Variants in DSE observed in about 807,000 individuals in gnomAD.
The protein encoded by DSE is dermatan-sulfate epimerase.
Under a neutral mutation model 84.4 loss-of-function variants are expected in DSE, and 36 were observed. That is an observed-to-expected ratio of 0.43 (90% CI 0.33 to 0.56). The LOEUF is 0.56. Ranked by LOEUF, DSE falls within the 20% of genes least tolerant of loss-of-function variation. The probability of loss-of-function intolerance (pLI) is 0.06; values close to 1 mark genes in which losing one functional copy is unlikely to be tolerated. For missense variants in DSE, 862 were observed against 1,169.6 expected (o/e 0.74, Z 3.84); for synonymous variants, 410 against 430.1 (o/e 0.95, Z 0.58).
intron 1 of DSE, among the ~76,000 whole-genome samples, chr6:116,387,655 T>C (rs80015753): frequency 0.016 from 2,435 of 152,292 alleles, 77 homozygotes; most frequent in African/African-American, 0.054. Flanking sequence ...GACCACTCAC[T>C]GAATAATGCT....
intron 2 of DSE, among the ~76,000 whole-genome samples, chr6:116,330,071 T>C (rs1484349765): frequency 6.6e-6 from 1 of 152,224 alleles, no homozygotes; most frequent in East Asian, 1.9e-4. Context: ...GTGATCCACC[T>C]GCCTCGGCCT....
rs148663882 is a variant in DSE, at chr6:116,334,887, T to C, written c.-53-64311T>C. 4.9e-3 allele frequency among the ~76,000 whole-genome samples: 753 copies of C among 152,206 alleles called. 8 individuals carry two copies. Among genetic ancestry groups the C allele is most frequent in the African/African-American group, 0.017 (724 of 41,532 alleles). ...GAATGGCTATTAAAAAGTCAAAATA[T>C]AACAGATGCTGACAAAGTTGCAAAG... On this transcript the variant is annotated intron_variant, in intron 2 of 3. Coordinates refer to the DSE transcript ENST00000430252.
At chr6:116,408,117 CT>C (rs1562290042) in intron 2 of DSE, among the ~76,000 whole-genome samples, 1 of 152,192 alleles carries the variant, frequency 6.6e-6, no homozygotes, top group Non-Finnish European at 1.5e-5. Flanking sequence ...CCTATAGTTA[CT>C]TTTTATTTAA....
chr6:116,410,470 A>G (rs1782249941), intron 2 of DSE, among the ~76,000 whole-genome samples: 1 of 152,176 alleles, frequency 6.6e-6, no homozygotes, highest in Non-Finnish European at 1.5e-5. Context: ...GTGGTGGCTC[A>G]CGCCTGTAAT....
At chr6:116,374,675 G>T (rs1779814021) in intron 1 of DSE, among the ~76,000 whole-genome samples, 1 of 152,138 alleles carries the variant, frequency 6.6e-6, no homozygotes, top group Admixed American at 6.5e-5. Context: ...TGCCGGTGGG[G>T]ACTCTACAGA....
chr6:116,333,418 C>T (rs1287180956), intron 2 of DSE, among the ~76,000 whole-genome samples: 1 of 152,152 alleles, frequency 6.6e-6, no homozygotes, highest in Non-Finnish European at 1.5e-5. Flanking sequence ...GAGGGCCAAA[C>T]TCCTGAGATA....
rs141673529 is a variant in DSE, at chr6:116,276,293, A to G, written c.-54+17326A>G. 5.1e-4 allele frequency among the ~76,000 whole-genome samples: 77 copies of G among 152,356 alleles called. 1 individual carries two copies. The East Asian group carries it at 0.012, about 23-fold the overall frequency. On this transcript the variant is annotated intron_variant, in intron 2 of 3. Transcript: ENST00000430252. ...ATCACATATGATAGGTACTCCCTGC[A>G]TACAAGTTAATAAAAAGAAGAGCCT...
At chr6:116,337,200 G>A (rs1216880731) in intron 2 of DSE, among the ~76,000 whole-genome samples, 1 of 152,152 alleles carries the variant, frequency 6.6e-6, no homozygotes, top group African/African-American at 2.4e-5. Flanking sequence ...CAGAACCCTG[G>A]CTCCTCACTG....
At chr6:116,384,510 AG>A (rs1312502660) in intron 1 of DSE, among the ~76,000 whole-genome samples, 1 of 152,180 alleles carries the variant, frequency 6.6e-6, no homozygotes, top group Non-Finnish European at 1.5e-5. Flanking sequence ...GAGGCTGGGA[AG>A]GCACTGGCCG....
At chr6:116,406,068 C>T (rs78674396) in intron 2 of DSE, among the ~76,000 whole-genome samples, 4,523 of 152,114 alleles carry the variant, frequency 0.03, 196 homozygotes, top group African/African-American at 0.099. Flanking sequence ...AAAGGAAATC[C>T]GAAGTTAATT....
At position 116,399,754 on chromosome 6, in the gene DSE, T is replaced by C. The variant is rs943540462; in HGVS notation, c.416+88T>C. ...TGACATCTCAGTGGCCAGATCTTCA[T>C]GTACCTCTTTGTGTATGTGTGTGGG... On this transcript the variant is annotated intron_variant, in intron 2 of 5. Transcript: ENST00000644252. 3.9e-6 allele frequency: 5 copies of C among 1,286,202 alleles called. No homozygotes were observed. The African/African-American group carries it at 7.4e-5, about 19-fold the overall frequency. 79.7% of individuals were successfully genotyped at this position (1,286,202 alleles called of 1,614,324 possible).
intron 2 of DSE, among the ~76,000 whole-genome samples, chr6:116,290,713 A>G (rs906711224): frequency 6.6e-6 from 1 of 152,172 alleles, no homozygotes; most frequent in African/African-American, 2.4e-5. Context: ...AGAAGAGACA[A>G]TCTGCATCCT....
intron 3 of DSE, among the ~76,000 whole-genome samples, chr6:116,429,213 G>A (rs1394381699): frequency 2.0e-5 from 3 of 152,196 alleles, no homozygotes; most frequent in African/African-American, 7.2e-5. Flanking sequence ...GGTGGCAGAA[G>A]AGGCCAGGGT....
At chr6:116,345,437 T>G (rs948624286) in intron 2 of DSE, among the ~76,000 whole-genome samples, 31 of 152,114 alleles carry the variant, frequency 2.0e-4, no homozygotes, top group African/African-American at 5.8e-4. Context: ...CACAGTGCAA[T>G]CAAACTAGAA....
In DSE at chr6:116,437,196, G is replaced by A; in HGVS notation, c.2728G>A (p.Ala910Thr). The change falls in exon 6 of 6, where the codon GCT becomes ACT. Residue 910 changes from alanine to threonine, a missense_variant. Physicochemically the swap from Ala to Thr is moderately conservative, Grantham distance 58. Around this residue, in one of 4 missense-constraint regions of DSE, gnomAD observed 315 missense variants for 348.1 expected, o/e 0.90. Coordinates refer to ENST00000644252, the MANE Select transcript of DSE (RefSeq NM_013352.4). ...YTRLFLILNIAIFFVMLAMQL... is the reference protein window; with the variant it reads ...YTRLFLILNITIFFVMLAMQL... ...CAGGTTGTTCCTGATTCTGAACATT[G>A]CTATTTTCTTTGTCATGTTGGCAAT... The A allele has an allele frequency of 6.2e-7, 1 of 1,614,102 alleles. No individual in the cohort carries two copies. The highest frequency in any genetic ancestry group is 1.1e-5 in the South Asian group (1 of 91,084).
intron 2 of DSE, among the ~76,000 whole-genome samples, chr6:116,357,388 C>T (rs537079039): frequency 3.9e-5 from 6 of 152,078 alleles, no homozygotes; most frequent in South Asian, 2.1e-4. Context: ...AAAAATTAGC[C>T]GGGCATGGTA....
chr6:116,296,034 C>A (rs1562210945), intron 2 of DSE, among the ~76,000 whole-genome samples: 1 of 152,108 alleles, frequency 6.6e-6, no homozygotes, highest in Non-Finnish European at 1.5e-5. Context: ...TTTCTGAAAT[C>A]ACTAAAATGT....
intron 1 of DSE, among the ~76,000 whole-genome samples, chr6:116,385,677 G>A (rs982310308): frequency 2.0e-5 from 3 of 152,092 alleles, no homozygotes; most frequent in African/African-American, 7.2e-5. Context: ...ATTCTGAGTT[G>A]ATTATGATTC....
At chr6:116,318,986 C>G (rs1432456409) in intron 2 of DSE, among the ~76,000 whole-genome samples, 1 of 151,926 alleles carries the variant, frequency 6.6e-6, no homozygotes, top group African/African-American at 2.4e-5. Flanking sequence ...AGGATGAAAC[C>G]ATTGAAAAAA....
Sources: gnomAD v4.1 joint callset for allele counts (sites outside exome capture counted in the v4.1 genomes callset) on GRCh38, gnomAD v4.1.1 for gene constraint, gnomAD v4.1.1 regional missense constraint, MANE v1.5 for transcripts, NCBI Gene and HGNC (gene_info 2026-07-23, HGNC 2026-07-21) for gene names.